The following ANTXRL variants were observed in gnomAD, a reference collection of about 807,000 sequenced individuals.
ANTXRL encodes anthrax toxin receptor-like.
ANTXRL carries 63 observed loss-of-function variants against 75.4 expected under a neutral mutation model. That is an observed-to-expected ratio of 0.84 (90% CI 0.68 to 1.03). ANTXRL has a LOEUF of 1.03. ANTXRL is among the 50% of genes least tolerant of loss of function. ANTXRL has a pLI of 0.00. For synonymous variants in ANTXRL, 335 were observed against 291.3 expected, an observed-to-expected ratio of 1.15 and a Z score of -1.53; for missense variants, 797 against 789.4, an observed-to-expected ratio of 1.01 and a Z score of -0.12.
Position 46,297,247 on chromosome 10 carries a change from T to C in ANTXRL, c.509-5T>C, listed in dbSNP as rs1196533802. 9 of 1,536,162 alleles carry C rather than the reference T, an allele frequency of 5.9e-6. No homozygotes were observed. The highest frequency in any genetic ancestry group is 7.8e-6 in the Non-Finnish European group (9 of 1,146,742). On this transcript the variant is annotated splice_polypyrimidine_tract_variant and splice_region_variant and intron_variant, in intron 5 of 16. Transcript: ENST00000620264. ...TGAGCAGGCCACTCTTTGCTTCTTC[T>C]ACAGACAAGGTTCCCAGCATGATTA...
chr10:46,313,162 G>A, intron 15 of ANTXRL, 74 bp from the exon 16 acceptor site: 6 of 1,295,562 alleles, frequency 4.6e-6, no homozygotes, highest in Non-Finnish European at 5.4e-6. Context: ...GCTGTGGGGG[G>A]CTGGGGAGTC....
intron 15 of ANTXRL, among the ~76,000 whole-genome samples, chr10:46,312,359 C>T (rs1310053247): frequency 6.8e-6 from 1 of 147,390 alleles, no homozygotes; most frequent in African/African-American, 2.5e-5. Flanking sequence ...CGGGCGGGTC[C>T]AGGGCCCATC....
chr10:46,301,615 C>T (rs78041242), intron 9 of ANTXRL, among the ~76,000 whole-genome samples: 4,706 of 152,242 alleles, frequency 0.031, 256 homozygotes, highest in African/African-American at 0.11. Context: ...GAAACACAAA[C>T]CCACTAAGGC....
chr10:46,308,363 C>A, intron 12 of ANTXRL: 1 of 418,520 alleles, frequency 2.4e-6, no homozygotes, highest in Non-Finnish European at 4.8e-6. Flanking sequence ...GGTTCCTCTC[C>A]TTCAGCCAGC....
intron 12 of ANTXRL, chr10:46,308,406 T>TCC: frequency 2.7e-5 from 2 of 73,862 alleles, no homozygotes; most frequent in South Asian, 7.2e-5. Context: ...GCCCCTTCCC[T>TCC]CCCCTCCCCT....
chr10:46,293,955 C>A (rs1554957739), intron 3 of ANTXRL, 55 bp downstream of exon 3: 12 of 1,495,006 alleles, frequency 8.0e-6, no homozygotes, highest in African/African-American at 1.4e-5. Context: ...CCAGAGGGAG[C>A]TCCAGGGAGC....
At chr10:46,291,912 T>C (rs1175293527) in intron 1 of ANTXRL, 146 bp from the exon 2 acceptor site, 4 of 690,768 alleles carry the variant, frequency 5.8e-6, no homozygotes, top group East Asian at 2.7e-5. Context: ...GATGATCCAG[T>C]GGCCACTGGG....
intron 16 of ANTXRL, among the ~76,000 whole-genome samples, chr10:46,320,058 C>A (rs1359268690): frequency 6.6e-6 from 1 of 152,166 alleles, no homozygotes; most frequent in South Asian, 2.1e-4. Context: ...TGGTTCACAT[C>A]TGGCTATTTG....
chr10:46,306,334 T>C (rs1444709232), intron 10 of ANTXRL, among the ~76,000 whole-genome samples: 3 of 152,212 alleles, frequency 2.0e-5, no homozygotes, highest in Non-Finnish European at 4.4e-5. Context: ...CCTGCTTTCC[T>C]TGGAACCCTT....
chr10:46,317,375 T>C (rs1192507586), intron 16 of ANTXRL, among the ~76,000 whole-genome samples: 7 of 152,200 alleles, frequency 4.6e-5, no homozygotes, highest in African/African-American at 1.7e-4. Flanking sequence ...GATTTCACAC[T>C]GTCACTTGCA....
intron 16 of ANTXRL, among the ~76,000 whole-genome samples, chr10:46,321,197 G>A (rs1333131675): frequency 6.6e-6 from 1 of 152,164 alleles, no homozygotes; most frequent in African/African-American, 2.4e-5. Flanking sequence ...CGGGTTTTAT[G>A]CTGGAGCAGA....
At chr10:46,295,829 A>T (rs1228245615) in intron 3 of ANTXRL, among the ~76,000 whole-genome samples, 190 bp from the exon 4 acceptor site, 4 of 152,144 alleles carry the variant, frequency 2.6e-5, no homozygotes, top group African/African-American at 4.8e-5. Flanking sequence ...TGTAACTCGG[A>T]TGAGCTCAGA....
intron 16 of ANTXRL, among the ~76,000 whole-genome samples, chr10:46,316,834 G>T (rs1379859445): frequency 6.6e-6 from 1 of 152,172 alleles, no homozygotes; most frequent in African/African-American, 2.4e-5. Flanking sequence ...TGTGGAGTTT[G>T]CATGTTGTTG....
chr10:46,313,341 T>C lies in ANTXRL; in HGVS notation c.1410+25T>C. The C allele has an allele frequency of 5.9e-6, 9 of 1,533,158 alleles. No homozygotes were observed. In the South Asian group the frequency reaches 6.0e-5, roughly 10 times the overall value. 95.0% of individuals were successfully genotyped at this position (1,533,158 alleles called of 1,614,324 possible). A position where few individuals can be genotyped will look rare whatever the true frequency, so the allele number is the denominator to read the frequency against. ...GGTGAGCTAGGGCACAGGGACACAGTTGATGGACAAAAGGCCACTGCTTTT... is the reference window on the plus strand; with the variant it reads ...GGTGAGCTAGGGCACAGGGACACAGCTGATGGACAAAAGGCCACTGCTTTT... On this transcript the variant is annotated intron_variant, in intron 16 of 16. Transcript: ENST00000620264.
chr10:46,296,035 G>T lies in ANTXRL; in HGVS notation c.409G>T (p.Gly137Cys), dbSNP rs1280653916. 6.5e-7 allele frequency: 1 copy of T among 1,535,814 alleles called. No homozygotes were observed. Among genetic ancestry groups the T allele is most frequent in the East Asian group, 2.4e-5 (1 of 40,910 alleles). Residue 137 changes from glycine to cysteine, a missense_variant, in exon 4 of 17, where the codon GGT becomes TGT. By Grantham distance (159) the Gly-to-Cys change is radical. Coordinates refer to ENST00000620264, the MANE Select transcript of ANTXRL (RefSeq NM_001278688.3). ...TTTTTTCAGGAATAGAATAAAAAAC[G>T]GTCTTGACCAACTTCAGAAAATTGT... ...LTSDKNRIKNGLDQLQKIVPD... is the reference protein window; with the variant it reads ...LTSDKNRIKNCLDQLQKIVPD...
chr10:46,301,729 C>T (rs1459922917), intron 9 of ANTXRL, among the ~76,000 whole-genome samples: 5 of 152,216 alleles, frequency 3.3e-5, no homozygotes, highest in Admixed American at 1.3e-4. Context: ...GAAAGCATGT[C>T]GGTAGGCCAA....
intron 14 of ANTXRL, 51 bp downstream of exon 14, chr10:46,310,550 A>G: frequency 6.6e-7 from 1 of 1,518,484 alleles, no homozygotes. Flanking sequence ...GAGCCCACTG[A>G]CCTTCACCAA....
At chr10:46,294,670 T>G (rs12572446) in intron 3 of ANTXRL, among the ~76,000 whole-genome samples, 60,772 of 150,968 alleles carry the variant, frequency 0.4, 11,910 homozygotes, top group Non-Finnish European at 0.47. Context: ...TGTGGGTTTG[T>G]CAGAGAGACT....
intron 5 of ANTXRL, 136 bp from the exon 6 acceptor site, chr10:46,297,116 A>C: frequency 1.4e-6 from 1 of 706,884 alleles, no homozygotes; most frequent in South Asian, 1.8e-5. Flanking sequence ...TCTCCTCTGG[A>C]GGATGAGGTG....
Sources: allele counts gnomAD v4.1 joint callset (sites outside exome capture counted in the v4.1 genomes callset), GRCh38; gene constraint gnomAD v4.1.1; transcripts MANE v1.5; gene names NCBI Gene and HGNC (gene_info 2026-07-23, HGNC 2026-07-21).